Variants in AMACR observed in about 807,000 individuals in gnomAD.
The protein encoded by AMACR is 2-methylacyl-CoA racemase.
In AMACR, 18 loss-of-function variants were observed where a neutral mutation model predicts 22.2. That is an observed-to-expected ratio of 0.81 (90% CI 0.56 to 1.20). The LOEUF is 1.20. Ranked by LOEUF, AMACR falls within the 50% of genes most tolerant of loss-of-function variation. The pLI is 0.00. For missense variants in AMACR, 499 were observed against 490.6 expected, an observed-to-expected ratio of 1.02 and a Z score of -0.16; for synonymous variants, 213 against 191.3, an observed-to-expected ratio of 1.11 and a Z score of -0.94.
rs1753298191 is a variant in AMACR at position 33,986,533 on chromosome 5, GCTGC to G, written c.*2556_*2559del. ...ATAAACCATACACACTGCATTTTGT[GCTGC>G]CTGTCTGCTCAGATCTATTTCCTTT... On this transcript the variant is annotated 3_prime_UTR_variant, in exon 5 of 5. Transcript: ENST00000335606. The G allele has an allele frequency of 6.6e-6, 1 of 152,186 alleles. No homozygotes were observed. Among genetic ancestry groups the G allele is most frequent in the African/African-American group, 2.4e-5 (1 of 41,436 alleles). 9.4% of individuals were successfully genotyped at this position (152,186 alleles called of 1,614,324 possible). A position where few individuals can be genotyped will look rare whatever the true frequency, so the allele number is the denominator to read the frequency against.
intron 4 of AMACR, chr5:33,997,418 G>T: frequency 1.3e-6 from 1 of 777,968 alleles, no homozygotes. Flanking sequence ...CCCATGACTT[G>T]GGCTGCAACG....
rs754326212 is a variant in AMACR, at chr5:33,989,285, C to T, written c.957G>A (p.Glu319=). ...NKERGSFITS[E]EQDVSPRPAP... ...CAGGGCGGGGGCTCACGTCCTGCTC[C>T]TCACTGGTGATAAACGAGCCCCGTT... Residue 319 remains glutamate, a synonymous_variant, in exon 5 of 5, where the codon GAG becomes GAA. Transcript: ENST00000335606. 4 of 1,614,104 alleles carry T rather than the reference C, an allele frequency of 2.5e-6. No individual in the cohort carries two copies. The East Asian group carries it at 8.9e-5, about 36-fold the overall frequency.
At chr5:34,004,337 A>G (rs1383893968) in intron 3 of AMACR, among the ~76,000 whole-genome samples, 1 of 152,260 alleles carries the variant, frequency 6.6e-6, no homozygotes, top group African/African-American at 2.4e-5. Flanking sequence ...TAGGAATCAC[A>G]TGAGTCACAG....
chr5:33,989,462 G>C lies in AMACR; in HGVS notation c.780C>G (p.Ser260Arg). The change falls in exon 5 of 5, where the codon AGC (serine) becomes AGG (arginine). Residue 260 changes from serine (S) to arginine (R), a missense_variant. Transcript: ENST00000335606. The stretch of plus-strand genomic sequence containing the variant: ...TCTTCATTTCTGGCCAATCATCCAT[G>C]CTCATCTGATTGGGAAGTTCATCAG... ...LKSDELPNQM[S>R]MDDWPEMKKK... The C allele has an allele frequency of 6.2e-7, 1 of 1,614,150 alleles. No homozygotes were observed. The highest frequency in any genetic ancestry group is 8.5e-7 in the Non-Finnish European group (1 of 1,180,018).
At chr5:33,996,853 C>G (rs1176859860) in intron 4 of AMACR, among the ~76,000 whole-genome samples, 1 of 152,150 alleles carries the variant, frequency 6.6e-6, no homozygotes, top group Non-Finnish European at 1.5e-5. Flanking sequence ...GCTAACTCAG[C>G]TGACTTCGGT....
At chr5:34,006,482 T>G (rs1178806728) in intron 1 of AMACR, among the ~76,000 whole-genome samples, 1 of 152,198 alleles carries the variant, frequency 6.6e-6, no homozygotes, top group Non-Finnish European at 1.5e-5. Context: ...TGAAATTTCC[T>G]GGGATTAAAA....
rs1164407625 is a variant in AMACR, at chr5:33,987,420, CT to C, written c.*1672del. On this transcript the variant is annotated 3_prime_UTR_variant, in exon 5 of 5. Transcript: ENST00000335606. ...ATATTTTCAACTGGTATTTCTAAAA[CT>C]GTGCCAAGGCACCCAGGGCATTAGA... The C allele has an allele frequency of 6.6e-6, 1 of 152,262 alleles. No individual in the cohort carries two copies. The highest frequency in any genetic ancestry group is 2.4e-5 in the African/African-American group (1 of 41,476). 9.4% of individuals were successfully genotyped at this position (152,262 alleles called of 1,614,324 possible).
At chr5:33,995,206 T>G (rs1281985442) in intron 4 of AMACR, among the ~76,000 whole-genome samples, 2 of 152,214 alleles carry the variant, frequency 1.3e-5, no homozygotes, top group Non-Finnish European at 2.9e-5. Context: ...AACTAGGTTG[T>G]CAGGTTGACT....
intron 4 of AMACR, among the ~76,000 whole-genome samples, chr5:33,996,771 C>T (rs887618442): frequency 1.3e-5 from 2 of 150,574 alleles, no homozygotes; most frequent in African/African-American, 5.0e-5. Context: ...GACCCTGTCC[C>T]CTAGATTAAA....
In AMACR at chr5:33,988,269, A is replaced by G; in HGVS notation, c.*824T>C. 6.7e-7 allele frequency: 1 copy of G among 1,500,356 alleles called. No individual in the cohort carries two copies. The highest frequency in any genetic ancestry group is 9.0e-7 in the Non-Finnish European group (1 of 1,113,826). 92.9% of individuals were successfully genotyped at this position (1,500,356 alleles called of 1,614,324 possible). ...AAGGCTTGTAACTTAACTCAGTCCA[A>G]GGAGACACAAAACGACTTGCTGGGG... On this transcript the variant is annotated 3_prime_UTR_variant, in exon 5 of 5. Transcript: ENST00000335606.
chr5:33,991,461 A>C (rs1367307951), intron 4 of AMACR, among the ~76,000 whole-genome samples: 2 of 152,152 alleles, frequency 1.3e-5, no homozygotes, highest in African/African-American at 4.8e-5. Flanking sequence ...TACAATCACT[A>C]TGAAATTTCT....
intron 4 of AMACR, chr5:33,997,402 CA>C: frequency 1.3e-6 from 1 of 777,708 alleles, no homozygotes. Flanking sequence ...TACTGCCACA[CA>C]AAACCCCATG....
intron 4 of AMACR, among the ~76,000 whole-genome samples, chr5:33,990,306 C>T (rs1488443851): frequency 6.6e-6 from 1 of 152,198 alleles, no homozygotes; most frequent in African/African-American, 2.4e-5. Flanking sequence ...AGCCGCCAGT[C>T]AACAGTGGGG....
At chr5:33,993,531 C>T (rs977726678) in intron 4 of AMACR, among the ~76,000 whole-genome samples, 33 of 152,234 alleles carry the variant, frequency 2.2e-4, no homozygotes, top group Non-Finnish European at 4.8e-4. Flanking sequence ...ACTTTACACT[C>T]TCATTGGTAA....
At chr5:33,989,583 T>A in intron 4 of AMACR, 81 bp from the exon 5 acceptor site, 3 of 1,146,164 alleles carry the variant, frequency 2.6e-6, no homozygotes, top group Non-Finnish European at 3.9e-6. Flanking sequence ...CTGAGCCCAC[T>A]GTACTATGCA....
In AMACR at chr5:33,991,571, T is replaced by TAC. The variant is rs528706521; in HGVS notation, c.740-2071_740-2070dup. Among the ~76,000 whole-genome samples, 323 of 150,384 alleles carry TAC rather than the reference T, an allele frequency of 2.1e-3. 1 individual carries two copies. Among genetic ancestry groups the TAC allele is most frequent in the African/African-American group, 5.6e-3 (229 of 41,090 alleles). On this transcript the variant is annotated intron_variant, in intron 4 of 4. Coordinates refer to ENST00000335606, the MANE Select transcript of AMACR (RefSeq NM_014324.6). ...TTTTGATTCCAAAAAATAACTACCA[T>TAC]ACACACACACACACACGTTACACAA...
At chr5:33,997,574 G>T in intron 4 of AMACR, 1 of 768,596 alleles carries the variant, frequency 1.3e-6, no homozygotes, top group Non-Finnish European at 2.4e-6. Flanking sequence ...TCATCAGACT[G>T]CAGGTGGCAG....
chr5:34,006,855 T>C (rs1275329120), intron 1 of AMACR, among the ~76,000 whole-genome samples: 2 of 152,260 alleles, frequency 1.3e-5, no homozygotes, highest in Non-Finnish European at 2.9e-5. Context: ...TTTGGATTTC[T>C]ACTTGAACAA....
chr5:33,998,294 T>C (rs935120693), intron 4 of AMACR, among the ~76,000 whole-genome samples: 2 of 152,162 alleles, frequency 1.3e-5, no homozygotes, highest in African/African-American at 4.8e-5. Flanking sequence ...TGGTAGAATA[T>C]TGAATGGAAA....
Sources: gnomAD v4.1 joint callset for allele counts (sites outside exome capture counted in the v4.1 genomes callset) on GRCh38, gnomAD v4.1.1 for gene constraint, MANE v1.5 for transcripts, NCBI Gene and HGNC (gene_info 2026-07-23, HGNC 2026-07-21) for gene names.